The following MRC2 variants were observed in gnomAD, a reference collection of about 807,000 sequenced individuals.
MRC2 encodes the protein mannose receptor C-type 2, also known as C-type mannose receptor 2.
Under a neutral mutation model 206.2 loss-of-function variants are expected in MRC2, and 84 were observed. The observed-to-expected ratio is 0.41, with a 90% confidence interval of 0.34 to 0.49. The LOEUF (loss-of-function observed/expected upper bound fraction) is 0.49, where lower values mean the gene tolerates loss of function less well. Among genes scored for constraint, MRC2 ranks in the 20% least tolerant of loss-of-function variants. MRC2 has a pLI of 0.31. For synonymous variants in MRC2, 798 were observed against 800.0 expected (o/e 1.00, Z 0.04); for missense variants, 1,676 against 2,001.5 (o/e 0.84, Z 3.10).
intron 1 of MRC2, among the ~76,000 whole-genome samples, chr17:62,640,612 G>A (rs542873328): frequency 6.6e-6 from 1 of 152,180 alleles, no homozygotes; most frequent in Non-Finnish European, 1.5e-5. Flanking sequence ...CTCCTGGGCT[G>A]AAGTGATCTT....
rs368569458 is a variant in MRC2 at position 62,690,597 on chromosome 17, C to A, written c.3893-45C>A. The A allele has an allele frequency of 3.1e-5, 48 of 1,543,494 alleles. No individual in the cohort carries two copies. In the African/African-American group the frequency reaches 6.0e-4, roughly 19 times the overall value. On this transcript the variant is annotated intron_variant, in intron 26 of 29. Coordinates refer to ENST00000303375, the MANE Select transcript of MRC2 (RefSeq NM_006039.5). ...GAGCAGCTCTGGGGGACTCTGCCCC[C>A]CCCGGAGACCCATCCGCCCTGACGT...
At chr17:62,674,328 T>C (rs371474586) in intron 9 of MRC2, among the ~76,000 whole-genome samples, 158 bp downstream of exon 9, 28 of 151,460 alleles carry the variant, frequency 1.8e-4, no homozygotes, top group East Asian at 1.8e-3. Flanking sequence ...ATTGAAGGAG[T>C]GATACTGGAT....
Position 62,689,928 on chromosome 17 carries a change from C to T in MRC2, c.3608C>T (p.Pro1203Leu), listed in dbSNP as rs372674480. The change falls in exon 25 of 30, where the codon CCG (proline) becomes CTG (leucine). Residue 1203 changes from proline to leucine, a missense_variant. Coordinates refer to ENST00000303375, the MANE Select transcript of MRC2 (RefSeq NM_006039.5). ...SRRYSWVSEEPLNYVGWQDGE... is the reference protein window; with the variant it reads ...SRRYSWVSEELLNYVGWQDGE... ...CGGTACTCCTGGGTCTCAGAGGAGCCGCTGAACTACGTGGGCTGGCAGGAC... is the reference window on the plus strand; with the variant it reads ...CGGTACTCCTGGGTCTCAGAGGAGCTGCTGAACTACGTGGGCTGGCAGGAC... The T allele has an allele frequency of 2.8e-5, 45 of 1,606,634 alleles. No individual in the cohort carries two copies. Among genetic ancestry groups the T allele is most frequent in the South Asian group, 3.3e-5 (3 of 90,178 alleles).
Position 62,690,170 on chromosome 17 carries a change from C to T in MRC2, c.3757C>T (p.Arg1253Ter), listed in dbSNP as rs763671736. 3.7e-6 allele frequency: 6 copies of T among 1,606,250 alleles called. No homozygotes were observed. In the African/African-American group the frequency reaches 6.7e-5, roughly 18 times the overall value. Residue 1253 changes from arginine (R) to a stop codon, truncating the protein, a stop_gained, in exon 26 of 30, where the codon CGA becomes TGA. Transcript: ENST00000303375. LOFTEE classifies it high-confidence loss of function. ...CGVSSGPPPP[R>*]RISYHGSCPQ... The stretch of plus-strand genomic sequence containing the variant: ...TACCCCCACAGGGCCCCCTCCTCCC[C>T]GAAGAATAAGCTACCATGGCAGCTG...
rs147379824 is a variant in MRC2 at position 62,688,884 on chromosome 17, A to T, written c.3258A>T (p.Ser1086=). 144 of 1,613,342 alleles carry T rather than the reference A, an allele frequency of 8.9e-5. No individual in the cohort carries two copies. In the African/African-American group the frequency reaches 1.7e-3, roughly 19 times the overall value. The change falls in exon 23 of 30, where the codon TCA becomes TCT. Residue 1086 remains serine (S), a synonymous_variant. Transcript: ENST00000303375. ...GTGCAGTGGTCCTGCACAGCCCCTCAGCCCACTTCACTGGCCGCTGGGACG... is the reference window on the plus strand; with the variant it reads ...GTGCAGTGGTCCTGCACAGCCCCTCTGCCCACTTCACTGGCCGCTGGGACG... ...TSCAVVLHSP[S]AHFTGRWDDR... is the part of the protein sequence containing the mutation.
At chr17:62,648,894 C>T (rs1238056773) in intron 1 of MRC2, among the ~76,000 whole-genome samples, 1 of 152,220 alleles carries the variant, frequency 6.6e-6, no homozygotes, top group Non-Finnish European at 1.5e-5. Context: ...TTCTTGAGCT[C>T]GCTGCCCAAA....
chr17:62,655,957 A>G (rs1345895284), intron 1 of MRC2, among the ~76,000 whole-genome samples: 4 of 152,048 alleles, frequency 2.6e-5, no homozygotes, highest in Admixed American at 1.3e-4. Flanking sequence ...TGGCGTGATT[A>G]TAGCTCACTA....
intron 20 of MRC2, among the ~76,000 whole-genome samples, chr17:62,684,894 A>G (rs970520223): frequency 6.6e-6 from 1 of 152,180 alleles, no homozygotes; most frequent in South Asian, 2.1e-4. Context: ...TAATCCCAGC[A>G]CTTTGGGAGG....
Position 62,675,952 on chromosome 17 carries a change from C to T in MRC2, c.1685+47C>T. 6.6e-7 allele frequency: 1 copy of T among 1,516,910 alleles called. No homozygotes were observed. The highest frequency in any genetic ancestry group is 1.4e-5 in the African/African-American group (1 of 73,054). 94.0% of individuals were successfully genotyped at this position (1,516,910 alleles called of 1,614,324 possible). A position where few individuals can be genotyped will look rare whatever the true frequency, so the allele number is the denominator to read the frequency against. ...TGACTAGCCCTTGCCCATGTCTGGGCCTATTGTGGTCCCTTCAGCAAACAG... is the reference window on the plus strand; with the variant it reads ...TGACTAGCCCTTGCCCATGTCTGGGTCTATTGTGGTCCCTTCAGCAAACAG... On this transcript the variant is annotated intron_variant, in intron 10 of 29. Transcript: ENST00000303375. The surrounding 1 kb of genome is among the most constrained non-coding windows in gnomAD (Gnocchi z 4.1).
intron 1 of MRC2, among the ~76,000 whole-genome samples, chr17:62,638,971 A>T (rs977249784): frequency 3.3e-5 from 5 of 152,198 alleles, no homozygotes; most frequent in Non-Finnish European, 7.3e-5. Flanking sequence ...GATTATAATT[A>T]GAAATTTTAA....
At chr17:62,668,733 T>C (rs2088789008) in intron 6 of MRC2, among the ~76,000 whole-genome samples, 1 of 152,134 alleles carries the variant, frequency 6.6e-6, no homozygotes, top group African/African-American at 2.4e-5. Flanking sequence ...CCTTTGAAGA[T>C]GTTTAAGCCA....
chr17:62,674,755 T>C (rs1455658086), intron 9 of MRC2, among the ~76,000 whole-genome samples: 1 of 151,624 alleles, frequency 6.6e-6, no homozygotes, highest in Non-Finnish European at 1.5e-5. Context: ...GGTGAGTGAC[T>C]GAGGGTGTGA....
At chr17:62,677,586 A>G (rs2088910031) in intron 12 of MRC2, 100 bp downstream of exon 12, 1 of 1,084,938 alleles carries the variant, frequency 9.2e-7, no homozygotes, top group Non-Finnish European at 1.3e-6. Context: ...ATCCAGAGAC[A>G]CACCAGGCTG....
chr17:62,678,471 G>GA, intron 12 of MRC2, 33 bp from the exon 13 acceptor site: 1 of 1,601,704 alleles, frequency 6.2e-7, no homozygotes, highest in Middle Eastern at 1.8e-4. Context: ...GGCCAGTGGG[G>GA]ACAGCTTAGA....
intron 1 of MRC2, among the ~76,000 whole-genome samples, chr17:62,635,374 C>T (rs1332608924): frequency 6.6e-6 from 1 of 151,956 alleles, no homozygotes; most frequent in African/African-American, 2.4e-5. Context: ...AATTTATCAC[C>T]ATCCTCTTTA....
Position 62,666,195 on chromosome 17 carries a change from G to T in MRC2, c.622G>T (p.Asp208Tyr). The T allele has an allele frequency of 6.2e-7, 1 of 1,604,630 alleles. No individual in the cohort carries two copies. The highest frequency in any genetic ancestry group is 8.5e-7 in the Non-Finnish European group (1 of 1,175,772). The change falls in exon 3 of 30, where the codon GAT becomes TAT. Residue 208 changes from aspartate to tyrosine, a missense_variant. Asp to Tyr is a radical substitution (Grantham distance 160). Coordinates refer to ENST00000303375, the MANE Select transcript of MRC2 (RefSeq NM_006039.5). This position sits in a 1 kb window ranked among gnomAD's most constrained non-coding sequence, Gnocchi z 5.0. ...CGGCTGCACCAGCACGGGCCGCGAG[G>T]ATGGTCACCTGTGGTGTGCCACCAC... ...FHGCTSTGRE[D>Y]GHLWCATTQD... is the part of the protein sequence containing the mutation.
chr17:62,638,531 AG>A (rs1305824667), intron 1 of MRC2, among the ~76,000 whole-genome samples: 1 of 151,882 alleles, frequency 6.6e-6, no homozygotes, highest in African/African-American at 2.4e-5. Flanking sequence ...CGAGGTCAGG[AG>A]TTCGAGACCA....
intron 1 of MRC2, among the ~76,000 whole-genome samples, chr17:62,635,191 CTTTTTTTT>C (rs35446845): frequency 2.7e-4 from 27 of 101,736 alleles, no homozygotes; most frequent in Non-Finnish European, 4.4e-4. Flanking sequence ...CTATTTTTCT[CTTTTTTTT>C]TTTTTTTTTT....
chr17:62,678,778 A>T (rs1202731854), intron 13 of MRC2, 132 bp downstream of exon 13: 6 of 1,310,116 alleles, frequency 4.6e-6, no homozygotes, highest in Non-Finnish European at 6.3e-6. Flanking sequence ...GGAGGCCTGC[A>T]TCTGCTGCTG....
Sources: allele counts gnomAD v4.1 joint callset (sites outside exome capture counted in the v4.1 genomes callset), GRCh38; gene constraint gnomAD v4.1.1; non-coding constraint Gnocchi (gnomAD v3.1); transcripts MANE v1.5; gene names NCBI Gene and HGNC (gene_info 2026-07-23, HGNC 2026-07-21).